Variants in CSRP1 observed in about 807,000 individuals in gnomAD.
CSRP1 encodes the protein cysteine and glycine-rich protein 1.
Under a neutral mutation model 25.4 loss-of-function variants are expected in CSRP1, and 16 were observed. The observed-to-expected ratio is 0.63, with a 90% confidence interval of 0.43 to 0.96. CSRP1 has a LOEUF of 0.96. Among genes scored for constraint, CSRP1 ranks in the 40% least tolerant of loss-of-function variants. The pLI is 0.00. For synonymous variants in CSRP1, 97 were observed against 95.3 expected (o/e 1.02, Z -0.10); for missense variants, 212 against 243.6 (o/e 0.87, Z 0.86).
At chr1:201,497,091 C>T (rs113326780) in intron 1 of CSRP1, among the ~76,000 whole-genome samples, 7,364 of 152,254 alleles carry the variant, frequency 0.048, 223 homozygotes, top group East Asian at 0.09. Flanking sequence ...TGGCTCACGC[C>T]TGTAATCCCA....
At position 201,483,648 on chromosome 1, in the gene CSRP1, G is replaced by A. The variant is rs1664041890; in HGVS notation, c.*1065C>T. 1 of 230,596 alleles carries A rather than the reference G, an allele frequency of 4.3e-6. No individual in the cohort carries two copies. The highest frequency in any genetic ancestry group is 2.2e-5 in the African/African-American group (1 of 46,024). The allele number at this position is 230,596 out of a possible 1,614,324, so 14.3% of individuals were successfully genotyped here. A position where few individuals can be genotyped will look rare whatever the true frequency, so the allele number is the denominator to read the frequency against. On this transcript the variant is annotated 3_prime_UTR_variant, in exon 6 of 6. Coordinates refer to ENST00000340006, the MANE Select transcript of CSRP1 (RefSeq NM_004078.3). ...TGTCCTTTCAGTTGCTGGGAGCGGT[G>A]AGGCCCAGCCCTTTCCCCTTCCTCC...
intron 2 of CSRP1, among the ~76,000 whole-genome samples, chr1:201,493,119 C>A (rs1378915937): frequency 6.6e-6 from 1 of 152,212 alleles, no homozygotes; most frequent in Non-Finnish European, 1.5e-5. Flanking sequence ...CGGAGCTGAG[C>A]TTTCCCACCA....
In CSRP1 at chr1:201,485,276, C is replaced by T. The variant is rs371134503; in HGVS notation, c.505+7G>A. On this transcript the variant is annotated splice_region_variant and intron_variant, in intron 5 of 5. Coordinates refer to ENST00000340006, the MANE Select transcript of CSRP1 (RefSeq NM_004078.3). ...CCTGACCCTCAATTAGAAGTGAAAA[C>T]ACCCACCTTTGCAGTAAATCTCGCC... The T allele has an allele frequency of 6.2e-7, 1 of 1,613,970 alleles. No individual in the cohort carries two copies. The highest frequency in any genetic ancestry group is 8.5e-7 in the Non-Finnish European group (1 of 1,179,868).
chr1:201,483,882 C>G lies in CSRP1; in HGVS notation c.*831G>C. ...TCAAGCAGGTGTGGCAAGAACAGAG[C>G]CCTGGCCTGGGCTCTGCTGGCCGCA... is the stretch of plus-strand genomic sequence containing the variant. On this transcript the variant is annotated 3_prime_UTR_variant, in exon 6 of 6. Coordinates refer to ENST00000340006, the MANE Select transcript of CSRP1 (RefSeq NM_004078.3). 3 of 625,824 alleles carry G rather than the reference C, an allele frequency of 4.8e-6. No homozygotes were observed. Among genetic ancestry groups the G allele is most frequent in the Non-Finnish European group, 8.9e-6 (3 of 335,212 alleles). 38.8% of individuals were successfully genotyped at this position (625,824 alleles called of 1,614,324 possible). A position where few individuals can be genotyped will look rare whatever the true frequency, so the allele number is the denominator to read the frequency against.
intron 2 of CSRP1, 46 bp downstream of exon 2, chr1:201,496,146 T>C: frequency 1.3e-6 from 2 of 1,488,468 alleles, no homozygotes; most frequent in Non-Finnish European, 1.9e-6. Flanking sequence ...GGCAGGCCCG[T>C]CCAGGGTGTC....
chr1:201,494,464 C>A (rs1160855989), intron 2 of CSRP1, among the ~76,000 whole-genome samples: 3 of 152,210 alleles, frequency 2.0e-5, no homozygotes, highest in Non-Finnish European at 4.4e-5. Flanking sequence ...CTGTTTCTGG[C>A]CTCCTTTGCA....
intron 4 of CSRP1, chr1:201,485,607 T>C: frequency 1.9e-6 from 1 of 536,362 alleles, no homozygotes; most frequent in Non-Finnish European, 3.4e-6. Flanking sequence ...AATGGCCTGA[T>C]GATTAGGGTC....
chr1:201,505,813 G>C lies in CSRP1; in HGVS notation c.-2+1257C>G, dbSNP rs528061541. Among the ~76,000 whole-genome samples, 35 of 152,324 alleles carry C rather than the reference G, an allele frequency of 2.3e-4. 1 individual carries two copies. In the South Asian group the frequency reaches 6.2e-3, roughly 27 times the overall value. On this transcript the variant is annotated intron_variant, in intron 1 of 5. Transcript: ENST00000340006. ...GTCAGGAGGCAGCAGTTGAGTGAGA[G>C]CAGTTGAGGGGAGGCTCAGTACCCA...
Position 201,485,317 on chromosome 1 carries a change from G to A in CSRP1, c.471C>T (p.Thr157=). ...AAATCTCGCCATCCTTGTCTGCCAG[G>A]GTGGTTGACTCAAGGCCTTTGCCAC... ...AKCGKGLEST[T]LADKDGEIYC... is the part of the protein sequence containing the mutation. Residue 157 remains threonine (T), a synonymous_variant, in exon 5 of 6, where the codon ACC becomes ACT. Coordinates refer to ENST00000340006, the MANE Select transcript of CSRP1 (RefSeq NM_004078.3). 1 of 1,614,166 alleles carries A rather than the reference G, an allele frequency of 6.2e-7. No individual in the cohort carries two copies. Among genetic ancestry groups the A allele is most frequent in the Non-Finnish European group, 8.5e-7 (1 of 1,180,012 alleles).
intron 1 of CSRP1, 178 bp from the exon 2 acceptor site, chr1:201,496,482 G>A (rs565249527): frequency 1.8e-5 from 11 of 614,818 alleles, no homozygotes; most frequent in South Asian, 7.6e-5. Context: ...AGCCTCGCAC[G>A]TTCTCGGGGA....
rs1324296256 is a variant in CSRP1, at chr1:201,483,666, C to T, written c.*1047G>A. The T allele has an allele frequency of 7.6e-6, 2 of 261,576 alleles. No individual in the cohort carries two copies. Among genetic ancestry groups the T allele is most frequent in the Non-Finnish European group, 1.5e-5 (2 of 132,368 alleles). The allele number at this position is 261,576 out of a possible 1,614,324, so 16.2% of individuals were successfully genotyped here. A position where few individuals can be genotyped will look rare whatever the true frequency, so the allele number is the denominator to read the frequency against. ...GAGCGGTGAGGCCCAGCCCTTTCCC[C>T]TTCCTCCCACCACTATTCCTAACCT... is the stretch of plus-strand genomic sequence containing the variant. On this transcript the variant is annotated 3_prime_UTR_variant, in exon 6 of 6. Coordinates refer to ENST00000340006, the MANE Select transcript of CSRP1 (RefSeq NM_004078.3).
Position 201,488,879 on chromosome 1 carries a change from C to A in CSRP1, c.387G>T (p.Ala129=). ...CCTTCCCAGCACCAATCACCTTCTC[C>A]GCAGCATAGACTGCCTGGCTGCATC... The part of the protein sequence containing the change: ...CPRCSQAVYA[A]EKVIGAGKSW... The change falls in exon 4 of 6, where the codon GCG becomes GCT. Residue 129 remains alanine (A), a synonymous_variant. Transcript: ENST00000340006. 1.2e-6 allele frequency: 2 copies of A among 1,614,082 alleles called. No homozygotes were observed. Among genetic ancestry groups the A allele is most frequent in the Non-Finnish European group, 1.7e-6 (2 of 1,179,992 alleles).
chr1:201,486,237 AG>A (rs1664138478), intron 4 of CSRP1: 1 of 582,084 alleles, frequency 1.7e-6, no homozygotes, highest in Admixed American at 6.3e-5. Context: ...AAAAAAAGTG[AG>A]GCCCGAGTTT....
chr1:201,499,354 C>T (rs1664599335), intron 1 of CSRP1, among the ~76,000 whole-genome samples: 1 of 152,186 alleles, frequency 6.6e-6, no homozygotes, highest in South Asian at 2.1e-4. Context: ...GAGCCTCTGT[C>T]CCCTAAGCCA....
intron 1 of CSRP1, among the ~76,000 whole-genome samples, chr1:201,499,208 G>A (rs1053776978): frequency 1.1e-4 from 17 of 152,240 alleles, no homozygotes; most frequent in African/African-American, 3.9e-4. Context: ...CAGTTAGACA[G>A]GAACAGCAAT....
intron 1 of CSRP1, chr1:201,496,583 CAGA>C (rs781479308): frequency 3.3e-5 from 15 of 458,262 alleles, no homozygotes; most frequent in Non-Finnish European, 6.0e-5. Context: ...TGTGGATCAG[CAGA>C]AGAAGCAGGC....
intron 2 of CSRP1, 200 bp downstream of exon 2, chr1:201,495,992 A>G (rs1664498134): frequency 3.7e-6 from 2 of 542,132 alleles, no homozygotes; most frequent in Admixed American, 3.3e-5. Context: ...CGCTCTGGCC[A>G]GTTCATCCCT....
chr1:201,493,598 G>T (rs749338911), intron 2 of CSRP1, among the ~76,000 whole-genome samples: 2 of 152,232 alleles, frequency 1.3e-5, no homozygotes, highest in Non-Finnish European at 2.9e-5. Flanking sequence ...CCCAGTCTCA[G>T]GTATGTCTTT....
intron 1 of CSRP1, among the ~76,000 whole-genome samples, chr1:201,502,788 C>T (rs1664708160): frequency 6.6e-6 from 1 of 152,128 alleles, no homozygotes; most frequent in African/African-American, 2.4e-5. Context: ...ATATGTCTCT[C>T]CCTTTCCCCA....
Sources: gnomAD v4.1 joint callset for allele counts (sites outside exome capture counted in the v4.1 genomes callset) on GRCh38, gnomAD v4.1.1 for gene constraint, MANE v1.5 for transcripts, NCBI Gene and HGNC (gene_info 2026-07-23, HGNC 2026-07-21) for gene names.